The following TNPO1 variants were observed in gnomAD, a reference collection of about 807,000 sequenced individuals.
The protein encoded by TNPO1 is transportin-1.
TNPO1 carries 8 observed loss-of-function variants against 119.5 expected under a neutral mutation model. The ratio of observed to expected loss-of-function variants is 0.07; its 90% CI spans 0.04 to 0.12. The LOEUF is 0.12. Among genes scored for constraint, TNPO1 ranks in the 10% least tolerant of loss-of-function variants. TNPO1 has a pLI of 1.00. For missense variants in TNPO1, 576 were observed against 1,089.8 expected (o/e 0.53, Z 6.64); for synonymous variants, 362 against 363.0 (o/e 1.00, Z 0.03).
Position 72,895,769 on chromosome 5 carries a change from T to A in TNPO1, c.2144-689T>A, listed in dbSNP as rs147793352. On this transcript the variant is annotated intron_variant, in intron 18 of 24. Coordinates refer to ENST00000337273, the MANE Select transcript of TNPO1 (RefSeq NM_002270.4). ...TAGCAGAGGCAAGATAAATACTTGA[T>A]TCTTTTTTTTATTTACCAATTTTCA... is the stretch of plus-strand genomic sequence containing the variant. Among the ~76,000 whole-genome samples, 86 of 152,346 alleles carry A rather than the reference T, an allele frequency of 5.6e-4. 2 individuals are homozygous for A. The highest frequency in any genetic ancestry group is 1.9e-3 in the African/African-American group (79 of 41,578).
At chr5:72,873,432 G>T (rs911710471) in intron 7 of TNPO1, among the ~76,000 whole-genome samples, 4 of 152,074 alleles carry the variant, frequency 2.6e-5, no homozygotes, top group Non-Finnish European at 4.4e-5. Flanking sequence ...GGGGGGTTAC[G>T]TTACTTTTTT....
chr5:72,898,469 G>C (rs747726013), intron 20 of TNPO1, among the ~76,000 whole-genome samples: 1 of 151,854 alleles, frequency 6.6e-6, no homozygotes, highest in Admixed American at 6.6e-5. Flanking sequence ...AACACACTTG[G>C]GATTCATTAG....
Position 72,855,781 on chromosome 5 carries a change from C to T in TNPO1, c.213C>T (p.Pro71=), listed in dbSNP as rs767641725. The part of the protein sequence containing the change: ...VLTKLKSEDE[P]TRSLSGLILK... The stretch of plus-strand genomic sequence containing the variant: ...ATTACTATTTTATTACAGATGAACC[C>T]ACAAGATCATTGAGTGGTCTTATCT... Residue 71 remains proline (P), a synonymous_variant, in exon 4 of 25, where the codon CCC becomes CCT. Coordinates refer to ENST00000337273, the MANE Select transcript of TNPO1 (RefSeq NM_002270.4). The T allele has an allele frequency of 6.2e-7, 1 of 1,605,150 alleles. No individual in the cohort carries two copies. The highest frequency in any genetic ancestry group is 1.1e-5 in the South Asian group (1 of 90,354).
chr5:72,822,609 T>G (rs1484927720), intron 1 of TNPO1, among the ~76,000 whole-genome samples: 1 of 150,640 alleles, frequency 6.6e-6, no homozygotes, highest in Non-Finnish European at 1.5e-5. Context: ...TTTTTTTTTT[T>G]GGAGATGGAG....
intron 12 of TNPO1, 73 bp downstream of exon 12, chr5:72,887,295 C>G (rs1319855857): frequency 9.5e-6 from 10 of 1,050,226 alleles, no homozygotes; most frequent in Non-Finnish European, 1.3e-5. Flanking sequence ...GGCTAGGCTA[C>G]TTTAAGGAAT....
Position 72,913,454 on chromosome 5 carries a change from C to T in TNPO1, c.*4781C>T, listed in dbSNP as rs985190558. Reference sequence around the variant, plus strand: ...AATGTGTTGTGTTTTTTAAAAGATGCATAATAGCTGAATGTATGCATGACT... The same window carrying T: ...AATGTGTTGTGTTTTTTAAAAGATGTATAATAGCTGAATGTATGCATGACT... On this transcript the variant is annotated 3_prime_UTR_variant, in exon 25 of 25. Coordinates refer to ENST00000337273, the MANE Select transcript of TNPO1 (RefSeq NM_002270.4). 1.3e-5 allele frequency: 2 copies of T among 152,320 alleles called. No homozygotes were observed. Among genetic ancestry groups the T allele is most frequent in the East Asian group, 3.9e-4 (2 of 5,186 alleles). The allele number at this position is 152,320 out of a possible 1,614,324, so 9.4% of individuals were successfully genotyped here. A position where few individuals can be genotyped will look rare whatever the true frequency, so the allele number is the denominator to read the frequency against.
intron 18 of TNPO1, among the ~76,000 whole-genome samples, chr5:72,894,496 C>A (rs1403544678): frequency 6.6e-6 from 1 of 152,108 alleles, no homozygotes; most frequent in Non-Finnish European, 1.5e-5. Context: ...ACGGTGAAAC[C>A]CCGCTTCTAC....
At chr5:72,877,373 C>T in intron 9 of TNPO1, 27 bp downstream of exon 9, 1 of 1,128,698 alleles carries the variant, frequency 8.9e-7, no homozygotes, top group South Asian at 1.6e-5. Context: ...ATAAATGCTG[C>T]CTTGTTCTTT....
At chr5:72,875,063 G>A (rs931658145) in intron 7 of TNPO1, among the ~76,000 whole-genome samples, 3 of 152,114 alleles carry the variant, frequency 2.0e-5, no homozygotes, top group Admixed American at 1.3e-4. Flanking sequence ...GAATAATAAC[G>A]TCTTAGAGTT....
At chr5:72,856,931 G>A (rs1746045773) in intron 4 of TNPO1, among the ~76,000 whole-genome samples, 1 of 152,162 alleles carries the variant, frequency 6.6e-6, no homozygotes, top group Admixed American at 6.5e-5. Context: ...TATACCATGG[G>A]CTTAAGCAGC....
intron 6 of TNPO1, among the ~76,000 whole-genome samples, chr5:72,870,158 C>CTTTTTTTTTT: frequency 9.4e-6 from 1 of 106,174 alleles, no homozygotes; most frequent in Non-Finnish European, 1.8e-5. Flanking sequence ...ATACTAATTG[C>CTTTTTTTTTT]TTTTTTTTTT....
intron 24 of TNPO1, among the ~76,000 whole-genome samples, chr5:72,906,600 A>G (rs1007642697): frequency 3.9e-5 from 6 of 152,080 alleles, no homozygotes; most frequent in Non-Finnish European, 8.8e-5. Flanking sequence ...GCCTAGGACT[A>G]TATTTTAAAA....
In TNPO1 at chr5:72,913,512, C is replaced by T. The variant is rs1439651803; in HGVS notation, c.*4839C>T. ...AAGTTAAAATGGTGATTTTTTTTCA[C>T]CTCTTGTACATTTTAAAACCAGGCC... is the stretch of plus-strand genomic sequence containing the variant. On this transcript the variant is annotated 3_prime_UTR_variant, in exon 25 of 25. Transcript: ENST00000337273. 1.3e-5 allele frequency: 2 copies of T among 152,146 alleles called. No individual in the cohort carries two copies. Among genetic ancestry groups the T allele is most frequent in the African/African-American group, 4.8e-5 (2 of 41,312 alleles). 9.4% of individuals were successfully genotyped at this position (152,146 alleles called of 1,614,324 possible).
At chr5:72,902,554 T>C (rs1490019269) in intron 22 of TNPO1, among the ~76,000 whole-genome samples, 2 of 152,032 alleles carry the variant, frequency 1.3e-5, no homozygotes, top group Non-Finnish European at 2.9e-5. Flanking sequence ...TGATCTCAAA[T>C]GTGTGCTAGA....
intron 4 of TNPO1, among the ~76,000 whole-genome samples, chr5:72,859,820 C>T (rs925748713): frequency 6.6e-5 from 10 of 152,198 alleles, no homozygotes; most frequent in Non-Finnish European, 1.2e-4. Flanking sequence ...TGTTGCCAAG[C>T]ACACTGATTT....
intron 11 of TNPO1, among the ~76,000 whole-genome samples, chr5:72,885,588 T>C (rs1748560982): frequency 6.6e-6 from 1 of 152,206 alleles, no homozygotes. Flanking sequence ...TATGCCTCAT[T>C]CTTCCTCAGT....
At chr5:72,875,170 A>G (rs1021090627) in intron 7 of TNPO1, among the ~76,000 whole-genome samples, 1 of 152,212 alleles carries the variant, frequency 6.6e-6, no homozygotes, top group African/African-American at 2.4e-5. Flanking sequence ...ATGGAACAAC[A>G]TCAGTTTAGG....
chr5:72,852,019 A>G lies in TNPO1; in HGVS notation c.205+700A>G, dbSNP rs368188207. On this transcript the variant is annotated intron_variant, in intron 3 of 24. Coordinates refer to ENST00000337273, the MANE Select transcript of TNPO1 (RefSeq NM_002270.4). ...ATCAAAATGAAAAATTATTTATCCCATCTTCCAGAGATGATTATTGTTGAT... is the reference window on the plus strand; with the variant it reads ...ATCAAAATGAAAAATTATTTATCCCGTCTTCCAGAGATGATTATTGTTGAT... 1.2e-3 allele frequency among the ~76,000 whole-genome samples: 178 copies of G among 152,314 alleles called. 1 individual carries two copies. The highest frequency in any genetic ancestry group is 6.8e-3 in the Middle Eastern group (2 of 294).
intron 20 of TNPO1, among the ~76,000 whole-genome samples, chr5:72,898,559 TA>T (rs1368554508): frequency 1.3e-5 from 2 of 152,142 alleles, no homozygotes; most frequent in South Asian, 2.1e-4. Context: ...TTTTAATTAT[TA>T]AAATCATTGT....
Sources: allele counts gnomAD v4.1 joint callset (sites outside exome capture counted in the v4.1 genomes callset), GRCh38; gene constraint gnomAD v4.1.1; transcripts MANE v1.5; gene names NCBI Gene and HGNC (gene_info 2026-07-23, HGNC 2026-07-21).